OLFM2: variants seen among roughly 807,000 people sequenced by gnomAD.
OLFM2 encodes olfactomedin 2.
Under a neutral mutation model 43.9 loss-of-function variants are expected in OLFM2, and 20 were observed. The observed-to-expected ratio is 0.46, with a 90% CI of 0.32 to 0.66. The LOEUF (loss-of-function observed/expected upper bound fraction) is 0.66. Among genes scored for constraint, OLFM2 ranks in the 30% least tolerant of loss-of-function variants. The probability of loss-of-function intolerance (pLI) is 0.04; values close to 1 mark genes in which losing one functional copy is unlikely to be tolerated. For synonymous variants in OLFM2, 268 were observed against 278.6 expected, an observed-to-expected ratio of 0.96 and a Z score of 0.38; for missense variants, 416 against 643.6, an observed-to-expected ratio of 0.65 and a Z score of 3.83.
At chr19:9,861,658 A>C (rs1041123505) in intron 1 of OLFM2, among the ~76,000 whole-genome samples, 6 of 152,218 alleles carry the variant, frequency 3.9e-5, no homozygotes, top group Non-Finnish European at 8.8e-5. Context: ...TGGTCAAATA[A>C]ATGTGTGTCA....
chr19:9,903,864 A>G (rs117311030), intron 1 of OLFM2, among the ~76,000 whole-genome samples: 3 of 152,246 alleles, frequency 2.0e-5, no homozygotes, highest in East Asian at 1.9e-4. Context: ...TTTGGCCTCA[A>G]TACTATCCTG....
Position 9,856,895 on chromosome 19 carries a change from C to A in OLFM2, c.599G>T (p.Gly200Val). The A allele has an allele frequency of 6.2e-7, 1 of 1,610,652 alleles. No individual in the cohort carries two copies. The highest frequency in any genetic ancestry group is 2.2e-5 in the East Asian group (1 of 44,752). The part of the protein sequence containing the change: ...AQKLGCGKLT[G>V]VSNPITVRAM... Reference sequence around the variant, plus strand: ...CCGAACGGTGATGGGGTTACTGACCCCGGTCAGCTTCCCACAGCCTGGGAG... The same window carrying A: ...CCGAACGGTGATGGGGTTACTGACCACGGTCAGCTTCCCACAGCCTGGGAG... Residue 200 changes from glycine to valine, a missense_variant, in exon 5 of 6, where the codon GGG becomes GTG. Physicochemically the swap from Gly to Val is moderately radical, Grantham distance 109. Coordinates refer to ENST00000264833, the MANE Select transcript of OLFM2 (RefSeq NM_058164.4). The surrounding 1 kb of genome is among the most constrained non-coding windows in gnomAD (Gnocchi z 4.0).
intron 1 of OLFM2, among the ~76,000 whole-genome samples, chr19:9,879,592 G>A (rs1041350931): frequency 6.6e-6 from 1 of 152,002 alleles, no homozygotes; most frequent in Admixed American, 6.6e-5. Context: ...GTGGAACTGT[G>A]AGCCAATTAA....
intron 2 of OLFM2, chr19:9,858,179 G>T: frequency 2.3e-6 from 1 of 433,196 alleles, no homozygotes; most frequent in South Asian, 2.1e-5. Context: ...TCAAAACAGA[G>T]ATTAGATCAC....
intron 1 of OLFM2, among the ~76,000 whole-genome samples, chr19:9,904,996 G>A (rs2046772922): frequency 6.6e-6 from 1 of 151,930 alleles, no homozygotes; most frequent in Non-Finnish European, 1.5e-5. Context: ...TACAGTCTGG[G>A]TGACAGAGTG....
chr19:9,896,642 G>C (rs2046688004), intron 1 of OLFM2, among the ~76,000 whole-genome samples: 1 of 152,100 alleles, frequency 6.6e-6, no homozygotes, highest in Non-Finnish European at 1.5e-5. Flanking sequence ...AATTCCCTCT[G>C]CGCAGAGCAT....
intron 1 of OLFM2, among the ~76,000 whole-genome samples, chr19:9,914,115 C>A (rs1453026501): frequency 6.6e-6 from 1 of 151,848 alleles, no homozygotes; most frequent in African/African-American, 2.4e-5. Flanking sequence ...GCGGTGTTCC[C>A]GGACCGCCTC....
At chr19:9,914,973 G>T (rs913171049) in intron 1 of OLFM2, among the ~76,000 whole-genome samples, 5 of 152,072 alleles carry the variant, frequency 3.3e-5, no homozygotes, top group Non-Finnish European at 7.4e-5. Flanking sequence ...AAGCATGAGC[G>T]GGGAGGGGGG....
chr19:9,922,135 T>C (rs1267723740), intron 1 of OLFM2, among the ~76,000 whole-genome samples: 1 of 151,652 alleles, frequency 6.6e-6, no homozygotes, highest in Non-Finnish European at 1.5e-5. Flanking sequence ...AGGAATTCTA[T>C]TGATTAAAAG....
intron 1 of OLFM2, among the ~76,000 whole-genome samples, chr19:9,902,337 T>C (rs761693903): frequency 2.6e-5 from 4 of 151,688 alleles, no homozygotes; most frequent in Non-Finnish European, 5.9e-5. Flanking sequence ...CGACTCTATA[T>C]TGATATTGAG....
intron 1 of OLFM2, among the ~76,000 whole-genome samples, chr19:9,896,894 T>C (rs2046689950): frequency 1.3e-5 from 2 of 152,148 alleles, no homozygotes; most frequent in Admixed American, 1.3e-4. Flanking sequence ...ATATAAGAAG[T>C]CCTCAAAAAC....
chr19:9,911,808 G>A (rs2046829703), intron 1 of OLFM2, among the ~76,000 whole-genome samples: 1 of 152,188 alleles, frequency 6.6e-6, no homozygotes, highest in South Asian at 2.1e-4. Context: ...AATGGTGGTA[G>A]AGGGAAATTT....
chr19:9,931,002 TCA>T (rs1336889077), intron 1 of OLFM2, among the ~76,000 whole-genome samples: 6 of 152,038 alleles, frequency 3.9e-5, no homozygotes, highest in African/African-American at 1.4e-4. Context: ...CACCCACCAG[TCA>T]CACAGACGCA....
chr19:9,934,877 G>A lies in OLFM2; in HGVS notation c.63+1427C>T, dbSNP rs2086506370. Among the ~76,000 whole-genome samples, 3 of 152,312 alleles carry A rather than the reference G, an allele frequency of 2.0e-5. No individual in the cohort carries two copies. In the South Asian group the frequency reaches 6.2e-4, roughly 32 times the overall value. On this transcript the variant is annotated intron_variant, in intron 1 of 5. Transcript: ENST00000264833. ...CCTCCCAACACCCCCCTCGGGGTGA[G>A]CACAAGGGTCTGATTCTTTTCTTGA...
chr19:9,899,029 C>T (rs1475941703), intron 1 of OLFM2, among the ~76,000 whole-genome samples: 1 of 152,158 alleles, frequency 6.6e-6, no homozygotes, highest in East Asian at 1.9e-4. Context: ...CTTTGGGAGG[C>T]CGAGGTAGGT....
At chr19:9,862,023 GAA>G (rs3075649) in intron 1 of OLFM2, among the ~76,000 whole-genome samples, 2 of 120,378 alleles carry the variant, frequency 1.7e-5, no homozygotes, top group African/African-American at 6.0e-5. Context: ...CCGTCTCAAA[GAA>G]AAAAAAAAAA....
chr19:9,927,119 T>C (rs1420011454), intron 1 of OLFM2, among the ~76,000 whole-genome samples: 3 of 151,826 alleles, frequency 2.0e-5, no homozygotes, highest in South Asian at 2.1e-4. Context: ...CTGTCTCTAC[T>C]AAAAATACAA....
intron 1 of OLFM2, among the ~76,000 whole-genome samples, chr19:9,904,148 TTGTTTGTG>T (rs1472610012): frequency 8.0e-6 from 1 of 125,198 alleles, no homozygotes; most frequent in Non-Finnish European, 1.7e-5. Flanking sequence ...AGGCTGAGTA[TTGTTTGTG>T]TGTGTGTGTG....
chr19:9,927,418 ACACACTTACCCTAGTTC>A (rs779035187), intron 1 of OLFM2, among the ~76,000 whole-genome samples: 1 of 152,176 alleles, frequency 6.6e-6, no homozygotes, highest in Non-Finnish European at 1.5e-5. Context: ...GGCATCAACC[ACACACTTACCCTAGTTC>A]CCATTTCCAG....
Sources: allele counts gnomAD v4.1 joint callset (sites outside exome capture counted in the v4.1 genomes callset), GRCh38; gene constraint gnomAD v4.1.1; non-coding constraint Gnocchi (gnomAD v3.1); transcripts MANE v1.5; gene names NCBI Gene and HGNC (gene_info 2026-07-23, HGNC 2026-07-21).